SLC22A23: variants seen among roughly 807,000 people sequenced by gnomAD.
SLC22A23 encodes ion transporter protein.
In SLC22A23, 26 loss-of-function variants were observed where a neutral mutation model predicts 61.0. The observed-to-expected ratio is 0.43, with a 90% CI of 0.31 to 0.59. The LOEUF (loss-of-function observed/expected upper bound fraction) is 0.59, where lower values mean the gene tolerates loss of function less well. SLC22A23 is among the 20% of genes least tolerant of loss of function. SLC22A23 has a pLI of 0.11. For missense variants in SLC22A23, 796 were observed against 934.7 expected, an observed-to-expected ratio of 0.85 and a Z score of 1.94; for synonymous variants, 430 against 413.9, an observed-to-expected ratio of 1.04 and a Z score of -0.47.
chr6:3,339,804 A>C (rs190140422), intron 3 of SLC22A23, among the ~76,000 whole-genome samples: 55 of 152,340 alleles, frequency 3.6e-4, no homozygotes, highest in African/African-American at 1.3e-3. Context: ...ACCATAAAAA[A>C]GGGCAACCAG....
chr6:3,347,683 T>C (rs1478330424), intron 3 of SLC22A23, among the ~76,000 whole-genome samples: 1 of 152,154 alleles, frequency 6.6e-6, no homozygotes, highest in Non-Finnish European at 1.5e-5. Flanking sequence ...CATTTTCTGA[T>C]CTATACTTTT....
chr6:3,334,496 A>G (rs1257515171), intron 3 of SLC22A23, among the ~76,000 whole-genome samples: 1 of 148,402 alleles, frequency 6.7e-6, no homozygotes, highest in Non-Finnish European at 1.5e-5. Flanking sequence ...CAGGCATGTG[A>G]CTTTTTTTTT....
At chr6:3,406,311 C>T (rs897517119) in intron 3 of SLC22A23, among the ~76,000 whole-genome samples, 1 of 152,138 alleles carries the variant, frequency 6.6e-6, no homozygotes. Context: ...AAGACACATC[C>T]TTCACAGTGC....
intron 1 of SLC22A23, among the ~76,000 whole-genome samples, chr6:3,428,581 G>A (rs1770656968): frequency 6.6e-6 from 1 of 152,210 alleles, no homozygotes; most frequent in African/African-American, 2.4e-5. Flanking sequence ...GCTTGACAAA[G>A]CTTGCCACAG....
rs1762142989 is a variant in SLC22A23 at position 3,308,497 on chromosome 6, G to C, written c.1083-10279C>G. On this transcript the variant is annotated intron_variant, in intron 4 of 9. Transcript: ENST00000406686. This position sits in a 1 kb window ranked among gnomAD's most constrained non-coding sequence, Gnocchi z 5.1. ...TGGTGCTCAGAGACAGTTCCCCCAG[G>C]TGTGGACAGTGGCTCTTCTCCTGAG... 6.6e-6 allele frequency among the ~76,000 whole-genome samples: 1 copy of C among 152,212 alleles called. No individual in the cohort carries two copies. The highest frequency in any genetic ancestry group is 2.4e-5 in the African/African-American group (1 of 41,448).
chr6:3,392,482 C>G (rs1767727965), intron 3 of SLC22A23, among the ~76,000 whole-genome samples: 1 of 152,186 alleles, frequency 6.6e-6, no homozygotes, highest in African/African-American at 2.4e-5. Flanking sequence ...GAATATCACC[C>G]TAGTTGTAAG....
intron 1 of SLC22A23, among the ~76,000 whole-genome samples, chr6:3,443,752 T>C (rs1771738730): frequency 6.6e-6 from 1 of 152,218 alleles, no homozygotes; most frequent in South Asian, 2.1e-4. Flanking sequence ...CCCCAATCCA[T>C]GCTGGGAATC....
intron 9 of SLC22A23, among the ~76,000 whole-genome samples, chr6:3,275,637 T>C (rs1187152270): frequency 1.3e-5 from 2 of 152,214 alleles, no homozygotes; most frequent in Non-Finnish European, 1.5e-5. Context: ...GGCTGGAGTG[T>C]AGTGGCATGA....
chr6:3,314,271 G>A (rs982255522), intron 4 of SLC22A23, among the ~76,000 whole-genome samples: 14 of 152,228 alleles, frequency 9.2e-5, no homozygotes, highest in African/African-American at 3.4e-4. Context: ...CAGCAGCCCA[G>A]GGCCCTCCGC....
chr6:3,382,806 A>C (rs546589644), intron 3 of SLC22A23, among the ~76,000 whole-genome samples: 2 of 152,346 alleles, frequency 1.3e-5, no homozygotes, highest in South Asian at 2.1e-4. Flanking sequence ...GTTGAGTCCT[A>C]GTCTAGTATT....
At position 3,333,647 on chromosome 6, in the gene SLC22A23, A is replaced by G. The variant is rs1024195614; in HGVS notation, c.914-9645T>C. On this transcript the variant is annotated intron_variant, in intron 3 of 9. Transcript: ENST00000406686. The surrounding 1 kb of genome is among the most constrained non-coding windows in gnomAD (Gnocchi z 4.1). Reference sequence around the variant, plus strand: ...CCAGAAGCTTTGCCCTGACCATGCTATATAAAATAGTAATCCCTGCCCTCT... The same window carrying G: ...CCAGAAGCTTTGCCCTGACCATGCTGTATAAAATAGTAATCCCTGCCCTCT... Among the ~76,000 whole-genome samples the G allele has an allele frequency of 6.6e-6, 1 of 152,138 alleles. No individual in the cohort carries two copies. Among genetic ancestry groups the G allele is most frequent in the Non-Finnish European group, 1.5e-5 (1 of 68,030 alleles).
At chr6:3,421,058 C>T (rs9502002) in intron 1 of SLC22A23, among the ~76,000 whole-genome samples, 209 of 151,672 alleles carry the variant, frequency 1.4e-3, no homozygotes, top group African/African-American at 4.9e-3. Flanking sequence ...CAAGACTGCG[C>T]CACTGCACTC....
At chr6:3,407,287 CTGTGTATAAAAT>C (rs1315134981) in intron 3 of SLC22A23, among the ~76,000 whole-genome samples, 1 of 152,202 alleles carries the variant, frequency 6.6e-6, no homozygotes, top group Non-Finnish European at 1.5e-5. Context: ...ATAAATACTA[CTGTGTATAAAAT>C]GCTAGCAAGT....
intron 3 of SLC22A23, among the ~76,000 whole-genome samples, chr6:3,376,288 G>T (rs1352202423): frequency 2.6e-5 from 4 of 152,100 alleles, no homozygotes; most frequent in African/African-American, 9.7e-5. Flanking sequence ...TCTGCCCATT[G>T]CTGTGCCCCA....
intron 3 of SLC22A23, among the ~76,000 whole-genome samples, chr6:3,341,901 A>G (rs1764177698): frequency 6.6e-6 from 1 of 152,220 alleles, no homozygotes; most frequent in African/African-American, 2.4e-5. Flanking sequence ...AAAAAAAATC[A>G]TACAACTTAA....
Position 3,277,679 on chromosome 6 carries a change from C to T in SLC22A23, c.1704-4267G>A, listed in dbSNP as rs116947916. ...CAGGCTCCACTCCGTGTGCTGTCCC[C>T]AGCACCTGCCCAGCCACTGAGACCT... On this transcript the variant is annotated intron_variant, in intron 9 of 9. Transcript: ENST00000406686. Among the ~76,000 whole-genome samples, 189 of 152,314 alleles carry T rather than the reference C, an allele frequency of 1.2e-3. 3 individuals carry two copies. In the East Asian group the frequency reaches 0.032, roughly 26 times the overall value.
rs547435103 is a variant in SLC22A23 at position 3,332,129 on chromosome 6, C to T, written c.914-8127G>A. Among the ~76,000 whole-genome samples, 155 of 152,316 alleles carry T rather than the reference C, an allele frequency of 1.0e-3. 6 individuals carry two copies. In the South Asian group the frequency reaches 0.031, roughly 31 times the overall value. On this transcript the variant is annotated intron_variant, in intron 3 of 9. Transcript: ENST00000406686. Reference sequence around the variant, plus strand: ...CGAGGCATGTGGCCAAACAGCCGAGCCCTAAATTACTTCAAGCTCTGTCCC... The same window carrying T: ...CGAGGCATGTGGCCAAACAGCCGAGTCCTAAATTACTTCAAGCTCTGTCCC...
intron 3 of SLC22A23, among the ~76,000 whole-genome samples, chr6:3,337,981 C>T (rs897978713): frequency 1.1e-4 from 17 of 152,232 alleles, no homozygotes; most frequent in Admixed American, 4.6e-4. Flanking sequence ...TTGTCACCCC[C>T]AGACTCCCTC....
chr6:3,298,006 C>A, intron 5 of SLC22A23, 85 bp downstream of exon 5: 3 of 1,406,636 alleles, frequency 2.1e-6, no homozygotes, highest in East Asian at 2.8e-5. Flanking sequence ...GTTAAAACAG[C>A]TGTTTGTGCA....
Sources: allele counts gnomAD v4.1 joint callset (sites outside exome capture counted in the v4.1 genomes callset), GRCh38; gene constraint gnomAD v4.1.1; non-coding constraint Gnocchi (gnomAD v3.1); transcripts MANE v1.5; gene names NCBI Gene and HGNC (gene_info 2026-07-23, HGNC 2026-07-21).